The following TBX22 variants were observed in gnomAD, a reference collection of about 807,000 sequenced individuals.
The protein encoded by TBX22 is T-box transcription factor TBX22.
TBX22 carries 8 observed loss-of-function variants against 30.1 expected under a neutral mutation model. The ratio of observed to expected loss-of-function variants is 0.27; its 90% CI spans 0.16 to 0.48. The LOEUF is 0.48. TBX22 is among the 20% of genes least tolerant of loss of function. The pLI is 0.99. For missense variants in TBX22, 463 were observed against 400.5 expected (o/e 1.16, Z -1.33); for synonymous variants, 173 against 149.1 (o/e 1.16, Z -1.17).
At chrX:80,019,636 C>T (rs1923594099) in intron 1 of TBX22, among the ~76,000 whole-genome samples, 4 of 111,120 alleles carry the variant, frequency 3.6e-5, no homozygotes, top group African/African-American at 1.3e-4. Flanking sequence ...ACATGCGCCT[C>T]AGGCCCCCAA....
chrX:80,030,029 G>A (rs771412196), intron 8 of TBX22, among the ~76,000 whole-genome samples: 2 of 111,844 alleles, frequency 1.8e-5, no homozygotes, highest in Non-Finnish European at 3.8e-5. Context: ...AATGGTGGGG[G>A]TTGGGAGGGG....
rs772672988 is a variant in TBX22, at chrX:80,025,773, G to A, written c.629G>A (p.Gly210Asp). 1.7e-6 allele frequency: 2 copies of A among 1,201,231 alleles called. No individual in the cohort carries two copies. Among genetic ancestry groups the A allele is most frequent in the South Asian group, 1.8e-5 (1 of 55,508 alleles). The part of the protein sequence containing the change: ...KLTNNEMDDK[G>D]HIILQSMHKY... The stretch of plus-strand genomic sequence containing the variant: ...ACCAACAATGAGATGGATGACAAAG[G>A]CCACGTACGTGAGCACAATCCTTTA... Residue 210 changes from glycine (G) to aspartate (D), a missense_variant, in exon 5 of 9, where the codon GGC becomes GAC. Physicochemically the swap from Gly to Asp is moderately conservative, Grantham distance 94 (BLOSUM62 -1). Coordinates refer to ENST00000373296, the MANE Select transcript of TBX22 (RefSeq NM_001109878.2).
At chrX:80,022,174 T>C (rs893590231) in intron 1 of TBX22, 94 bp from the exon 2 acceptor site, 27 of 880,625 alleles carry the variant, frequency 3.1e-5, no homozygotes, top group Non-Finnish European at 4.3e-5. Context: ...CCTCCTTCCT[T>C]CACCCTCTGT....
At chrX:80,022,128 GGTTTTGTTTT>G (rs3048712) in intron 1 of TBX22, 130 bp from the exon 2 acceptor site, 9 of 552,496 alleles carry the variant, frequency 1.6e-5, no homozygotes, top group Admixed American at 1.1e-4. Flanking sequence ...TTGGGTTTGG[GGTTTTGTTTT>G]GTTTTGTTTT....
chrX:80,026,816 T>A lies in TBX22; in HGVS notation c.746T>A (p.Phe249Tyr). The change falls in exon 6 of 9, where the codon TTC becomes TAC. Residue 249 changes from phenylalanine (F) to tyrosine (Y), a missense_variant. By Grantham distance (22) the Phe-to-Tyr change is conservative (BLOSUM62 3). Transcript: ENST00000373296. ...QSLPTEGVKTFSFKETEFTTV... is the reference protein window; with the variant it reads ...QSLPTEGVKTYSFKETEFTTV... ...TTGCCCACTGAAGGTGTTAAAACAT[T>A]CTCCTTTAAAGAAACTGAGTTCACC... The A allele has an allele frequency of 8.3e-7, 1 of 1,211,347 alleles. No individual in the cohort carries two copies. The highest frequency in any genetic ancestry group is 1.1e-6 in the Non-Finnish European group (1 of 895,359).
rs888146208 is a variant in TBX22 at position 80,030,350 on chromosome X, T to C, written c.950-148T>C. The C allele has an allele frequency of 9.0e-5, 63 of 701,503 alleles. No homozygotes were observed. In the East Asian group the frequency reaches 1.1e-3, roughly 12 times the overall value. 57.8% of individuals were successfully genotyped at this position (701,503 alleles called of 1,213,427 possible). On this transcript the variant is annotated intron_variant, in intron 8 of 8. Coordinates refer to ENST00000373296, the MANE Select transcript of TBX22 (RefSeq NM_001109878.2). ...AACTTTAGTCAGAGGAATGAGCAGG[T>C]CCTGTCTCAAAGAAGCTAAAAGAAC...
chrX:80,024,258 T>A, intron 4 of TBX22, 94 bp downstream of exon 4: 3 of 749,646 alleles, frequency 4.0e-6, no homozygotes, highest in Non-Finnish European at 6.1e-6. Context: ...CTTTGAAAAC[T>A]CTAGCATGGG....
chrX:80,031,747 T>C lies in TBX22; in HGVS notation c.*636T>C, dbSNP rs1429569905. 1.8e-5 allele frequency: 2 copies of C among 111,842 alleles called. No homozygotes were observed. The highest frequency in any genetic ancestry group is 3.8e-5 in the Non-Finnish European group (2 of 53,002). 9.2% of individuals were successfully genotyped at this position (111,842 alleles called of 1,213,427 possible). A position where few individuals can be genotyped will look rare whatever the true frequency, so the allele number is the denominator to read the frequency against. ...AGATCAAATGAAAAGTAAAACACTC[T>C]AAATAAATTTGCTTTTATTTTCTTT... On this transcript the variant is annotated 3_prime_UTR_variant, in exon 9 of 9. Transcript: ENST00000373296.
At chrX:80,028,226 G>T in intron 8 of TBX22, 150 bp downstream of exon 8, 1 of 487,277 alleles carries the variant, frequency 2.1e-6, no homozygotes, top group South Asian at 3.1e-5. Context: ...CCTGAATGAC[G>T]AGGTAAGAGG....
chrX:80,029,083 ATAATT>A (rs1924123128), intron 8 of TBX22, among the ~76,000 whole-genome samples: 1 of 112,463 alleles, frequency 8.9e-6, no homozygotes. Context: ...TCATGAAATG[ATAATT>A]TAAAGTACAC....
intron 1 of TBX22, among the ~76,000 whole-genome samples, chrX:80,016,863 G>A (rs1195819702): frequency 9.1e-6 from 1 of 109,848 alleles, no homozygotes; most frequent in Non-Finnish European, 1.9e-5. Flanking sequence ...AAAATTAGTT[G>A]GGCGTGGTTG....
At chrX:80,019,438 T>C (rs1048938753) in intron 1 of TBX22, among the ~76,000 whole-genome samples, 1 of 111,897 alleles carries the variant, frequency 8.9e-6, no homozygotes, top group Non-Finnish European at 1.9e-5. Flanking sequence ...GATTTTCCTA[T>C]TATCAAACTT....
intron 1 of TBX22, among the ~76,000 whole-genome samples, chrX:80,015,413 C>T (rs771282394): frequency 8.9e-5 from 10 of 111,939 alleles, no homozygotes; most frequent in African/African-American, 2.9e-4. Context: ...TACTTTCTAC[C>T]GAGGCTCTTC....
At chrX:80,025,540 C>T in intron 4 of TBX22, 63 bp from the exon 5 acceptor site, 1 of 982,012 alleles carries the variant, frequency 1.0e-6, no homozygotes, top group Non-Finnish European at 1.5e-6. Flanking sequence ...TCCTCAGGAA[C>T]AGAACACAAC....
chrX:80,023,288 T>C (rs1292882945), intron 3 of TBX22, 48 bp downstream of exon 3: 1 of 1,127,758 alleles, frequency 8.9e-7, no homozygotes, highest in South Asian at 1.8e-5. Flanking sequence ...CATTAGGCAC[T>C]TAATTTACCG....
At chrX:80,023,003 T>C in intron 2 of TBX22, 57 bp from the exon 3 acceptor site, 1 of 1,130,111 alleles carries the variant, frequency 8.8e-7, no homozygotes, top group South Asian at 1.9e-5. Context: ...CAGCGAGAAG[T>C]GGGCATGTGA....
intron 7 of TBX22, 118 bp downstream of exon 7, chrX:80,027,438 G>T (rs945112204): frequency 1.2e-5 from 5 of 430,674 alleles, no homozygotes; most frequent in African/African-American, 7.8e-5. Context: ...GAGTGCAATG[G>T]CACGATCTCA....
intron 1 of TBX22, among the ~76,000 whole-genome samples, chrX:80,015,579 T>A (rs1476059017): frequency 2.7e-5 from 3 of 112,284 alleles, no homozygotes; most frequent in African/African-American, 9.7e-5. Context: ...ATTTTACTTA[T>A]TCCTGATTTT....
At chrX:80,024,267 G>C (rs928308374) in intron 4 of TBX22, 103 bp downstream of exon 4, 2 of 726,709 alleles carry the variant, frequency 2.8e-6, no homozygotes, top group African/African-American at 4.1e-5. Context: ...CTCTAGCATG[G>C]GGGGTGGGAG....
Sources: allele counts gnomAD v4.1 joint callset (sites outside exome capture counted in the v4.1 genomes callset), GRCh38; gene constraint gnomAD v4.1.1; transcripts MANE v1.5; gene names NCBI Gene and HGNC (gene_info 2026-07-23, HGNC 2026-07-21).